OPCML: variants seen among roughly 807,000 people sequenced by gnomAD.
OPCML encodes the protein opioid binding protein/cell adhesion molecule like, also known as opioid-binding protein/cell adhesion molecule.
OPCML carries 13 observed loss-of-function variants against 37.8 expected under a neutral mutation model. The ratio of observed to expected loss-of-function variants is 0.34; its 90% confidence interval spans 0.22 to 0.55. OPCML has a LOEUF of 0.55. Ranked by LOEUF, OPCML falls within the 20% of genes least tolerant of loss-of-function variation. The probability of loss-of-function intolerance (pLI) is 0.91; values close to 1 mark genes in which losing one functional copy is unlikely to be tolerated. For synonymous variants in OPCML, 176 were observed against 168.8 expected, an observed-to-expected ratio of 1.04 and a Z score of -0.33; for missense variants, 341 against 435.6, an observed-to-expected ratio of 0.78 and a Z score of 1.93.
chr11:133,405,708 G>T (rs1271398613), intron 1 of OPCML, among the ~76,000 whole-genome samples: 2 of 149,772 alleles, frequency 1.3e-5, no homozygotes, highest in African/African-American at 5.0e-5. Flanking sequence ...AGGGACAACA[G>T]CATCTGATAT....
intron 2 of OPCML, among the ~76,000 whole-genome samples, chr11:132,905,394 G>T (rs1405811959): frequency 6.6e-6 from 1 of 151,868 alleles, no homozygotes; most frequent in Non-Finnish European, 1.5e-5. Flanking sequence ...ACCACGTCCG[G>T]CTAATTTTTT....
chr11:133,063,029 G>T (rs1452521459), intron 1 of OPCML, among the ~76,000 whole-genome samples: 1 of 152,252 alleles, frequency 6.6e-6, no homozygotes, highest in Non-Finnish European at 1.5e-5. Context: ...CCAGCATGGG[G>T]CTTTGGGGTC....
At chr11:132,988,319 T>C (rs936199517) in intron 1 of OPCML, among the ~76,000 whole-genome samples, 3 of 152,214 alleles carry the variant, frequency 2.0e-5, no homozygotes, top group Admixed American at 6.5e-5. Flanking sequence ...TACTCCATCA[T>C]TTTCCTAATT....
chr11:132,797,657 G>T (rs1938406422), intron 2 of OPCML, among the ~76,000 whole-genome samples: 1 of 152,066 alleles, frequency 6.6e-6, no homozygotes, highest in African/African-American at 2.4e-5. Context: ...GGCCATAATA[G>T]TATGCCTAAC....
At chr11:132,603,513 T>G (rs1420955710) in intron 3 of OPCML, among the ~76,000 whole-genome samples, 3 of 152,238 alleles carry the variant, frequency 2.0e-5, no homozygotes, top group Non-Finnish European at 4.4e-5. Flanking sequence ...ATCATTTGCC[T>G]GGATAACTAC....
chr11:132,586,490 C>T (rs1409938585), intron 3 of OPCML, among the ~76,000 whole-genome samples: 1 of 152,148 alleles, frequency 6.6e-6, no homozygotes, highest in African/African-American at 2.4e-5. Context: ...GTTATGTGGT[C>T]AGTGATATAG....
At chr11:132,594,446 G>C (rs897037317) in intron 3 of OPCML, among the ~76,000 whole-genome samples, 2 of 152,008 alleles carry the variant, frequency 1.3e-5, no homozygotes, top group Non-Finnish European at 2.9e-5. Context: ...TGAGATAATG[G>C]AGTAATAGTA....
At chr11:133,443,880 G>T (rs1946415525) in intron 1 of OPCML, among the ~76,000 whole-genome samples, 1 of 152,076 alleles carries the variant, frequency 6.6e-6, no homozygotes, top group Non-Finnish European at 1.5e-5. Context: ...AGGCAAAGGT[G>T]GGAGAGTCAC....
At chr11:132,456,658 G>T (rs1406226523) in intron 4 of OPCML, among the ~76,000 whole-genome samples, 1 of 152,196 alleles carries the variant, frequency 6.6e-6, no homozygotes, top group Non-Finnish European at 1.5e-5. Flanking sequence ...AGAATCAATG[G>T]CATTCACCTA....
chr11:133,461,483 C>T (rs1946857684), intron 1 of OPCML, among the ~76,000 whole-genome samples: 1 of 151,776 alleles, frequency 6.6e-6, no homozygotes, highest in Non-Finnish European at 1.5e-5. Context: ...AGAACAATTC[C>T]ACTTGCAATA....
intron 1 of OPCML, among the ~76,000 whole-genome samples, chr11:133,393,427 C>A (rs1035208526): frequency 1.3e-5 from 2 of 152,182 alleles, no homozygotes; most frequent in South Asian, 4.1e-4. Context: ...TTATGAGAAT[C>A]AACTGTACTG....
At chr11:132,686,550 A>G (rs1420550942) in intron 2 of OPCML, among the ~76,000 whole-genome samples, 1 of 152,160 alleles carries the variant, frequency 6.6e-6, no homozygotes, top group Non-Finnish European at 1.5e-5. Context: ...TCTTATGCAA[A>G]TAGTTTCAGT....
At chr11:132,892,108 G>T (rs990680264) in intron 2 of OPCML, among the ~76,000 whole-genome samples, 1 of 152,286 alleles carries the variant, frequency 6.6e-6, no homozygotes, top group East Asian at 1.9e-4. Context: ...CTCCTCCATC[G>T]CTTTTAAAAG....
At chr11:133,229,554 C>T (rs1036183314) in intron 1 of OPCML, among the ~76,000 whole-genome samples, 1 of 151,932 alleles carries the variant, frequency 6.6e-6, no homozygotes, top group Admixed American at 6.6e-5. Flanking sequence ...CCAATGCATC[C>T]CACCATGCAT....
At chr11:133,068,821 A>G (rs1948479560) in intron 1 of OPCML, among the ~76,000 whole-genome samples, 1 of 152,186 alleles carries the variant, frequency 6.6e-6, no homozygotes, top group Non-Finnish European at 1.5e-5. Context: ...TTTCCATACT[A>G]GTGTCAGACA....
chr11:133,439,223 T>G (rs1946306452), intron 1 of OPCML: 1 of 935,934 alleles, frequency 1.1e-6, no homozygotes, highest in South Asian at 4.9e-5. Context: ...GGTCCTATGC[T>G]AGCCCCAGGC....
At chr11:132,585,893 A>C (rs2096471598) in intron 3 of OPCML, among the ~76,000 whole-genome samples, 1 of 152,206 alleles carries the variant, frequency 6.6e-6, no homozygotes, top group Non-Finnish European at 1.5e-5. Context: ...TTCCTTCCTA[A>C]AGGGACTGAA....
At chr11:133,446,557 T>C (rs1946478127) in intron 1 of OPCML, among the ~76,000 whole-genome samples, 1 of 152,198 alleles carries the variant, frequency 6.6e-6, no homozygotes, top group Admixed American at 6.5e-5. Context: ...CCCGAGTTGC[T>C]GGGACTATAG....
chr11:133,156,059 C>T (rs754582996), intron 1 of OPCML, among the ~76,000 whole-genome samples: 20 of 152,134 alleles, frequency 1.3e-4, no homozygotes, highest in African/African-American at 3.6e-4. Context: ...TTGTCTTTGC[C>T]GTTAACGAAT....
Sources: allele counts gnomAD v4.1 joint callset (sites outside exome capture counted in the v4.1 genomes callset), GRCh38; gene constraint gnomAD v4.1.1; transcripts MANE v1.5; gene names NCBI Gene and HGNC (gene_info 2026-07-23, HGNC 2026-07-21).